Variants in KCNIP1 observed in about 807,000 individuals in gnomAD.
The protein encoded by KCNIP1 is A-type potassium channel modulatory protein KCNIP1.
In KCNIP1, 18 loss-of-function variants were observed where a neutral mutation model predicts 33.0. The ratio of observed to expected loss-of-function variants is 0.55; its 90% CI spans 0.38 to 0.81. KCNIP1 has a LOEUF of 0.81. KCNIP1 is among the 30% of genes least tolerant of loss of function. KCNIP1 has a pLI of 0.00. For missense variants in KCNIP1, 238 were observed against 271.6 expected (o/e 0.88, Z 0.87); for synonymous variants, 93 against 98.3 (o/e 0.95, Z 0.32).
At chr5:170,677,945 A>C (rs1762206661) in intron 1 of KCNIP1, among the ~76,000 whole-genome samples, 1 of 152,356 alleles carries the variant, frequency 6.6e-6, no homozygotes, top group South Asian at 2.1e-4. Context: ...AAATATCAGA[A>C]TCTATGCAGG....
chr5:170,361,786 C>A (rs2113288825), intron 1 of KCNIP1, among the ~76,000 whole-genome samples: 1 of 152,278 alleles, frequency 6.6e-6, no homozygotes, highest in South Asian at 2.1e-4. Context: ...TAAGCTAGCT[C>A]TCTGGCCTCT....
intron 1 of KCNIP1, among the ~76,000 whole-genome samples, chr5:170,546,783 A>G (rs1407129493): frequency 6.6e-6 from 1 of 152,200 alleles, no homozygotes; most frequent in Non-Finnish European, 1.5e-5. Context: ...AAGTCAACAA[A>G]TTAGACATTA....
At chr5:170,672,272 G>A (rs966032953) in intron 1 of KCNIP1, among the ~76,000 whole-genome samples, 2 of 152,236 alleles carry the variant, frequency 1.3e-5, no homozygotes, top group Non-Finnish European at 2.9e-5. Context: ...GCCTTTCAAT[G>A]ACAGCAACAT....
At chr5:170,601,814 G>C (rs1758703826) in intron 1 of KCNIP1, among the ~76,000 whole-genome samples, 1 of 152,234 alleles carries the variant, frequency 6.6e-6, no homozygotes, top group East Asian at 1.9e-4. Context: ...GTAAGGGACT[G>C]GCGGTGGCTG....
At chr5:170,593,290 G>A (rs1758328800) in intron 1 of KCNIP1, among the ~76,000 whole-genome samples, 1 of 152,124 alleles carries the variant, frequency 6.6e-6, no homozygotes, top group Non-Finnish European at 1.5e-5. Context: ...ATGTATTCTG[G>A]AGACTCTCCA....
chr5:170,410,339 C>G (rs1046316131), intron 1 of KCNIP1, among the ~76,000 whole-genome samples: 2 of 151,294 alleles, frequency 1.3e-5, no homozygotes, highest in Non-Finnish European at 2.9e-5. Context: ...CCAGGTCCCC[C>G]ACTCAGGAGA....
intron 1 of KCNIP1, among the ~76,000 whole-genome samples, chr5:170,513,686 C>T (rs1449828263): frequency 6.6e-6 from 1 of 152,196 alleles, no homozygotes; most frequent in African/African-American, 2.4e-5. Flanking sequence ...CAACTAGAGA[C>T]TTGCCTGCAT....
At chr5:170,709,618 G>A (rs1763376675) in intron 1 of KCNIP1, among the ~76,000 whole-genome samples, 1 of 152,094 alleles carries the variant, frequency 6.6e-6, no homozygotes, top group South Asian at 2.1e-4. Context: ...TAATTTTTCA[G>A]TGGTTTTACT....
At chr5:170,418,152 T>C (rs314166) in intron 1 of KCNIP1, among the ~76,000 whole-genome samples, 108,418 of 152,114 alleles carry the variant, frequency 0.71, 39,295 homozygotes, top group African/African-American at 0.85. Flanking sequence ...CCTTCCCGGC[T>C]GGGCGCAGTG....
At chr5:170,708,438 T>C (rs1260403774) in intron 1 of KCNIP1, among the ~76,000 whole-genome samples, 2 of 152,354 alleles carry the variant, frequency 1.3e-5, no homozygotes, top group East Asian at 1.9e-4. Flanking sequence ...ATGCACACAG[T>C]CCTGTAAATT....
chr5:170,595,968 A>T (rs1310170618), intron 1 of KCNIP1, among the ~76,000 whole-genome samples: 1 of 152,178 alleles, frequency 6.6e-6, no homozygotes, highest in African/African-American at 2.4e-5. Context: ...GGTGAGCTTC[A>T]TCCAGACTCA....
intron 1 of KCNIP1, among the ~76,000 whole-genome samples, chr5:170,452,148 G>A (rs998898612): frequency 3.9e-5 from 6 of 152,168 alleles, no homozygotes; most frequent in African/African-American, 1.4e-4. Context: ...CAAAATTCAG[G>A]CTTTGAGTGT....
chr5:170,471,766 T>G (rs749505366), intron 1 of KCNIP1, among the ~76,000 whole-genome samples: 3 of 152,112 alleles, frequency 2.0e-5, no homozygotes, highest in Non-Finnish European at 2.9e-5. Flanking sequence ...ACTTCCTCCT[T>G]TAGATCCTCT....
chr5:170,536,486 A>G lies in KCNIP1; in HGVS notation c.61+31853A>G, dbSNP rs533281070. ...CTGTGGCCAGAACCTGTTCTCTCCC[A>G]TCATTAAAATCCCTCTCTCCTTCTC... On this transcript the variant is annotated intron_variant, in intron 1 of 7. Coordinates refer to ENST00000328939, the MANE Select transcript of KCNIP1 (RefSeq NM_014592.4). Among the ~76,000 whole-genome samples the G allele has an allele frequency of 1.1e-4, 17 of 152,298 alleles. No homozygotes were observed. The East Asian group carries it at 2.9e-3, about 26-fold the overall frequency.
intron 1 of KCNIP1, among the ~76,000 whole-genome samples, chr5:170,692,880 A>C (rs1388411387): frequency 6.6e-6 from 1 of 152,234 alleles, no homozygotes. Context: ...GATTAAAAGA[A>C]GTTTGCCTTC....
intron 1 of KCNIP1, among the ~76,000 whole-genome samples, chr5:170,463,479 C>A (rs1232010674): frequency 6.6e-6 from 1 of 151,880 alleles, no homozygotes; most frequent in Non-Finnish European, 1.5e-5. Flanking sequence ...ACACCATGAC[C>A]AAATAGGATT....
intron 1 of KCNIP1, among the ~76,000 whole-genome samples, chr5:170,532,174 G>C (rs1444604661): frequency 2.0e-5 from 3 of 152,188 alleles, no homozygotes. Context: ...TTTGCTCAAA[G>C]CCTACAGCAA....
At chr5:170,606,235 GT>G (rs1322089098) in intron 1 of KCNIP1, among the ~76,000 whole-genome samples, 1 of 152,144 alleles carries the variant, frequency 6.6e-6, no homozygotes, top group Non-Finnish European at 1.5e-5. Context: ...TTGAACACTT[GT>G]CTCTAATTCT....
chr5:170,439,082 C>A (rs1755929989), intron 1 of KCNIP1, among the ~76,000 whole-genome samples: 1 of 152,192 alleles, frequency 6.6e-6, no homozygotes, highest in Non-Finnish European at 1.5e-5. Context: ...AATCAACTGA[C>A]AATGGACAGA....
Sources: allele counts gnomAD v4.1 joint callset (sites outside exome capture counted in the v4.1 genomes callset), GRCh38; gene constraint gnomAD v4.1.1; transcripts MANE v1.5; gene names NCBI Gene and HGNC (gene_info 2026-07-23, HGNC 2026-07-21).